Variants in KIF26B observed in about 807,000 individuals in gnomAD.
KIF26B encodes the protein kinesin family member 26B.
A neutral mutation model predicts 151.2 loss-of-function variants in KIF26B; 63 were observed. The ratio of observed to expected loss-of-function variants is 0.42; its 90% CI spans 0.34 to 0.51. The LOEUF is 0.51. Ranked by LOEUF, KIF26B falls within the 20% of genes least tolerant of loss-of-function variation. KIF26B has a pLI of 0.07. For missense variants in KIF26B, 2,813 were observed against 2,913.6 expected, an observed-to-expected ratio of 0.97 and a Z score of 0.79; for synonymous variants, 1,357 against 1,262.1, an observed-to-expected ratio of 1.08 and a Z score of -1.59.
chr1:245,481,999 A>G (rs1660177101), intron 4 of KIF26B, among the ~76,000 whole-genome samples: 1 of 151,836 alleles, frequency 6.6e-6, no homozygotes, highest in South Asian at 2.1e-4. Context: ...GAGAAAGATA[A>G]CAAACGAGAG....
At chr1:245,690,956 C>T (rs2044616883) in intron 12 of KIF26B, among the ~76,000 whole-genome samples, 2 of 152,212 alleles carry the variant, frequency 1.3e-5, no homozygotes, top group Admixed American at 1.3e-4. Flanking sequence ...AAAGCATCTG[C>T]CGGCCTTCCC....
At chr1:245,567,644 C>T (rs990610607) in intron 5 of KIF26B, among the ~76,000 whole-genome samples, 22 of 152,196 alleles carry the variant, frequency 1.4e-4, no homozygotes, top group Admixed American at 2.6e-4. Context: ...AACCATGCTG[C>T]TCCCCCAGTG....
chr1:245,482,893 G>A lies in KIF26B; in HGVS notation c.1167-57874G>A, dbSNP rs377698765. Among the ~76,000 whole-genome samples, 21 of 151,908 alleles carry A rather than the reference G, an allele frequency of 1.4e-4. No individual in the cohort carries two copies. In the South Asian group the frequency reaches 1.5e-3, roughly 11 times the overall value. ...TTGAAGCCTCACGATCTGGGAGGGCGGTGTGATGAATCCCGGGCAGCCACA... is the reference window on the plus strand; with the variant it reads ...TTGAAGCCTCACGATCTGGGAGGGCAGTGTGATGAATCCCGGGCAGCCACA... On this transcript the variant is annotated intron_variant, in intron 4 of 14. Transcript: ENST00000407071.
At chr1:245,171,289 A>T (rs1668703028) in intron 2 of KIF26B, among the ~76,000 whole-genome samples, 1 of 152,214 alleles carries the variant, frequency 6.6e-6, no homozygotes, top group South Asian at 2.1e-4. Context: ...CACGCCTGTA[A>T]TCCCAGCACT....
intron 5 of KIF26B, among the ~76,000 whole-genome samples, chr1:245,599,680 G>T (rs1273763187): frequency 6.6e-6 from 1 of 152,224 alleles, no homozygotes; most frequent in Non-Finnish European, 1.5e-5. Flanking sequence ...GGCTGGGCTA[G>T]GAGATTTGCT....
rs61743368 is a variant in KIF26B, at chr1:245,241,840, C to A, written c.465+85157C>A. Among the ~76,000 whole-genome samples, 24 of 152,316 alleles carry A rather than the reference C, an allele frequency of 1.6e-4. No homozygotes were observed. Among genetic ancestry groups the A allele is most frequent in the Admixed American group, 6.5e-4 (10 of 15,302 alleles). ...TGGGGACTCGGCCCTGGTGGATCCC[C>A]TTAGCCTGTGGTATGAGCTCAGTCC... On this transcript the variant is annotated intron_variant, in intron 2 of 14. Coordinates refer to ENST00000407071, the MANE Select transcript of KIF26B (RefSeq NM_018012.4). This position sits in a 1 kb window ranked among gnomAD's most constrained non-coding sequence, Gnocchi z 5.0.
chr1:245,419,486 T>C, intron 3 of KIF26B, 93 bp from the exon 4 acceptor site: 1 of 1,233,978 alleles, frequency 8.1e-7, no homozygotes, highest in Non-Finnish European at 1.1e-6. Context: ...CTGTTCCCTC[T>C]TGCCTCCCTC....
chr1:245,478,010 C>T (rs1009473283), intron 4 of KIF26B, among the ~76,000 whole-genome samples: 4 of 151,844 alleles, frequency 2.6e-5, no homozygotes, highest in African/African-American at 9.7e-5. Flanking sequence ...CTTCCAGCCG[C>T]TGGCACCCAC....
chr1:245,565,775 C>A (rs955889099), intron 5 of KIF26B, among the ~76,000 whole-genome samples: 1 of 152,118 alleles, frequency 6.6e-6, no homozygotes, highest in Admixed American at 6.5e-5. Flanking sequence ...TATGTTAGTC[C>A]ATTTTGCATT....
chr1:245,684,664 G>A (rs1232762546), intron 11 of KIF26B, among the ~76,000 whole-genome samples: 4 of 152,242 alleles, frequency 2.6e-5, no homozygotes, highest in Admixed American at 6.5e-5. Context: ...GCTTTAGAGA[G>A]TACAAATGGA....
At chr1:245,323,864 C>A (rs1671931827) in intron 2 of KIF26B, among the ~76,000 whole-genome samples, 1 of 152,116 alleles carries the variant, frequency 6.6e-6, no homozygotes, top group African/African-American at 2.4e-5. Flanking sequence ...TTGGTGTGGA[C>A]CCTGCCGTGG....
chr1:245,574,853 C>CTTTTT (rs1187889956), intron 5 of KIF26B, among the ~76,000 whole-genome samples: 1 of 138,970 alleles, frequency 7.2e-6, no homozygotes. Flanking sequence ...ATATCTTTTT[C>CTTTTT]TTTTTTTTTT....
intron 4 of KIF26B, among the ~76,000 whole-genome samples, chr1:245,481,962 T>C (rs888493887): frequency 6.6e-6 from 1 of 151,648 alleles, no homozygotes; most frequent in Non-Finnish European, 1.5e-5. Flanking sequence ...TTTACCATCC[T>C]AGATAATGAA....
intron 4 of KIF26B, among the ~76,000 whole-genome samples, chr1:245,472,173 A>G (rs555915946): frequency 6.6e-6 from 1 of 152,358 alleles, no homozygotes; most frequent in Admixed American, 6.5e-5. Flanking sequence ...GATGGGAACC[A>G]GCCAGGCAAA....
chr1:245,160,974 A>G (rs1371056831), intron 2 of KIF26B, among the ~76,000 whole-genome samples: 2 of 152,234 alleles, frequency 1.3e-5, no homozygotes, highest in Non-Finnish European at 2.9e-5. Context: ...AAGCCATCAT[A>G]AAACATTTTA....
chr1:245,666,733 G>A (rs72764826), intron 10 of KIF26B, among the ~76,000 whole-genome samples: 88 of 151,832 alleles, frequency 5.8e-4, no homozygotes, highest in Admixed American at 1.2e-3. Flanking sequence ...TAACTTGTCC[G>A]TACCAAATGG....
chr1:245,637,518 T>A (rs1307835176), intron 9 of KIF26B, among the ~76,000 whole-genome samples: 2 of 152,114 alleles, frequency 1.3e-5, no homozygotes, highest in Non-Finnish European at 2.9e-5. Context: ...TTTAGCTTGA[T>A]GTAATCCCAC....
intron 2 of KIF26B, among the ~76,000 whole-genome samples, chr1:245,247,880 T>C (rs1276399644): frequency 6.6e-6 from 1 of 152,184 alleles, no homozygotes; most frequent in Admixed American, 6.5e-5. Context: ...TTTCTTTTGC[T>C]CTCTGTACCT....
chr1:245,391,327 T>C lies in KIF26B; in HGVS notation c.999+23960T>C, dbSNP rs575847985. Among the ~76,000 whole-genome samples, 10 of 152,314 alleles carry C rather than the reference T, an allele frequency of 6.6e-5. No individual in the cohort carries two copies. In the South Asian group the frequency reaches 2.1e-3, roughly 32 times the overall value. On this transcript the variant is annotated intron_variant, in intron 3 of 14. Transcript: ENST00000407071. ...TAAGAAACTACCACTTGTTGATTTT[T>C]AGTGTAGTTTCTAAGAACAGTGTAC...
Sources: gnomAD v4.1 joint callset for allele counts (sites outside exome capture counted in the v4.1 genomes callset) on GRCh38, gnomAD v4.1.1 for gene constraint, Gnocchi (gnomAD v3.1) non-coding constraint, MANE v1.5 for transcripts, NCBI Gene and HGNC (gene_info 2026-07-23, HGNC 2026-07-21) for gene names.